The following DSCC1 variants were observed in gnomAD, a reference collection of about 807,000 sequenced individuals.
DSCC1 encodes DNA replication and sister chromatid cohesion 1.
Under a neutral mutation model 48.2 loss-of-function variants are expected in DSCC1, and 32 were observed. The observed-to-expected ratio is 0.66, with a 90% CI of 0.50 to 0.89. The LOEUF (loss-of-function observed/expected upper bound fraction) is 0.89. DSCC1 is among the 40% of genes least tolerant of loss of function. DSCC1 has a pLI of 0.00. For missense variants in DSCC1, 421 were observed against 471.7 expected (o/e 0.89, Z 1.00); for synonymous variants, 150 against 171.5 (o/e 0.87, Z 0.98).
chr8:119,844,040 G>T (rs1826814366), intron 4 of DSCC1, among the ~76,000 whole-genome samples: 1 of 151,854 alleles, frequency 6.6e-6, no homozygotes, highest in Admixed American at 6.6e-5. Context: ...GCCTCCCAAA[G>T]TGCTGGGATT....
chr8:119,854,649 TTTTTG>T lies in DSCC1; in HGVS notation c.182+960_182+964del, dbSNP rs531764925. ...TCCAGGGCCTGTTTTTATTTTTTTGTTTTTGTTTTGTTTTGTTTTTGCCAGCTAGA... is the reference window on the plus strand; with the variant it reads ...TCCAGGGCCTGTTTTTATTTTTTTGTTTTTGTTTTGTTTTTGCCAGCTAGA... On this transcript the variant is annotated intron_variant, in intron 1 of 8. Coordinates refer to ENST00000313655, the MANE Select transcript of DSCC1 (RefSeq NM_024094.3). Among the ~76,000 whole-genome samples the T allele has an allele frequency of 2.7e-3, 368 of 138,772 alleles. 2 individuals are homozygous for T. The highest frequency in any genetic ancestry group is 9.5e-3 in the African/African-American group (324 of 34,106). The allele number at this position is 138,772 out of a possible 152,430, so 91.0% of individuals were successfully genotyped here. A position where few individuals can be genotyped will look rare whatever the true frequency, so the allele number is the denominator to read the frequency against.
intron 1 of DSCC1, among the ~76,000 whole-genome samples, chr8:119,854,466 A>G (rs943968605): frequency 6.6e-6 from 1 of 152,218 alleles, no homozygotes; most frequent in African/African-American, 2.4e-5. Context: ...CATTTAAGTA[A>G]AAAGAATAAA....
chr8:119,845,817 C>T (rs1170472609), intron 4 of DSCC1, among the ~76,000 whole-genome samples: 11 of 152,094 alleles, frequency 7.2e-5, no homozygotes, highest in Middle Eastern at 3.4e-3. Flanking sequence ...GACGTGGTGG[C>T]GCATGACTGT....
chr8:119,842,272 C>T, intron 6 of DSCC1, among the ~76,000 whole-genome samples: 1 of 152,002 alleles, frequency 6.6e-6, no homozygotes, highest in Non-Finnish European at 1.5e-5. Context: ...TGGGGTTTCA[C>T]CATGTTGGCC....
intron 3 of DSCC1, among the ~76,000 whole-genome samples, chr8:119,848,629 A>C (rs774704763): frequency 2.6e-5 from 4 of 152,222 alleles, no homozygotes; most frequent in Admixed American, 6.5e-5. Context: ...TACCCAAGAA[A>C]AATGAAAACA....
At position 119,855,869 on chromosome 8, in the gene DSCC1, G is replaced by C; in HGVS notation, c.-74C>G. 1 of 1,395,372 alleles carries C rather than the reference G, an allele frequency of 7.2e-7. No individual in the cohort carries two copies. The highest frequency in any genetic ancestry group is 3.0e-5 in the East Asian group (1 of 33,690). The allele number at this position is 1,395,372 out of a possible 1,614,324, so 86.4% of individuals were successfully genotyped here. On this transcript the variant is annotated 5_prime_UTR_variant, in exon 1 of 9. Transcript: ENST00000313655. ...TGGCGGGCAAGAAAGAAGTTCCCAAGCAGCCGGAAGGTAGGAAACCTGAGC... is the reference window on the plus strand; with the variant it reads ...TGGCGGGCAAGAAAGAAGTTCCCAACCAGCCGGAAGGTAGGAAACCTGAGC...
intron 1 of DSCC1, among the ~76,000 whole-genome samples, chr8:119,855,062 T>A (rs556808965): frequency 6.6e-6 from 1 of 151,950 alleles, no homozygotes; most frequent in Admixed American, 6.5e-5. Context: ...AAAAACTACC[T>A]CAACTTCGAC....
intron 2 of DSCC1, among the ~76,000 whole-genome samples, 197 bp from the exon 3 acceptor site, chr8:119,850,713 T>G (rs910588030): frequency 1.8e-4 from 27 of 152,166 alleles, no homozygotes; most frequent in African/African-American, 5.8e-4. Flanking sequence ...TCAAATCCCC[T>G]TAATAAGATA....
chr8:119,835,245 G>A lies in DSCC1; in HGVS notation c.1074-244C>T, dbSNP rs144575769. ...GGAGTAGGCCAGGCGGGTGGCTCAC[G>A]CCTGTAATCCCAGCACTTTGGGAGG... is the stretch of plus-strand genomic sequence containing the variant. On this transcript the variant is annotated intron_variant, in intron 8 of 8. Transcript: ENST00000313655. Among the ~76,000 whole-genome samples the A allele has an allele frequency of 6.3e-3, 957 of 152,188 alleles. 9 individuals are homozygous for A. Among genetic ancestry groups the A allele is most frequent in the Middle Eastern group, 0.02 (6 of 294 alleles).
chr8:119,837,975 T>C (rs990272394), intron 8 of DSCC1, among the ~76,000 whole-genome samples: 9 of 152,118 alleles, frequency 5.9e-5, no homozygotes, highest in African/African-American at 2.2e-4. Context: ...CTTAGAGTCA[T>C]AGTAGGGCCT....
rs942346370 is a variant in DSCC1, at chr8:119,855,606, G to C, written c.182+8C>G. The C allele has an allele frequency of 1.3e-6, 2 of 1,541,742 alleles. No homozygotes were observed. The highest frequency in any genetic ancestry group is 2.5e-5 in the East Asian group (1 of 40,430). ...AGAGGCTGGGGGCGCCGCGTGACCA[G>C]GGCTCACCTGTGTCCATCCTCCAGC... On this transcript the variant is annotated splice_region_variant and intron_variant, in intron 1 of 8. Transcript: ENST00000313655.
At chr8:119,847,230 C>A in intron 3 of DSCC1, 150 bp from the exon 4 acceptor site, 1 of 644,654 alleles carries the variant, frequency 1.6e-6, no homozygotes, top group Non-Finnish European at 2.6e-6. Flanking sequence ...ATGATTTCTA[C>A]ACAAAATCAA....
chr8:119,843,758 C>A lies in DSCC1; in HGVS notation c.578-11G>T. On this transcript the variant is annotated splice_polypyrimidine_tract_variant and intron_variant, in intron 4 of 8. Coordinates refer to ENST00000313655, the MANE Select transcript of DSCC1 (RefSeq NM_024094.3). ...GAATCCTCCAATAACCTACAAATTT[C>A]AAAAGTTATATTTACCAAAGAACTT... 1 of 1,594,612 alleles carries A rather than the reference C, an allele frequency of 6.3e-7. No homozygotes were observed.
intron 8 of DSCC1, among the ~76,000 whole-genome samples, chr8:119,835,307 T>G (rs1305676570): frequency 6.6e-6 from 1 of 151,998 alleles, no homozygotes; most frequent in Non-Finnish European, 1.5e-5. Context: ...GAGTTGAAGA[T>G]CAGCCTGGCC....
chr8:119,844,238 G>C (rs1436265645), intron 4 of DSCC1, among the ~76,000 whole-genome samples: 1 of 151,948 alleles, frequency 6.6e-6, no homozygotes, highest in Non-Finnish European at 1.5e-5. Flanking sequence ...AGGAGTTCGA[G>C]ACCAGCCTGG....
intron 5 of DSCC1, 37 bp from the exon 6 acceptor site, chr8:119,842,865 GCAT>G: frequency 6.5e-7 from 1 of 1,534,190 alleles, no homozygotes; most frequent in Non-Finnish European, 8.9e-7. Context: ...AAAGTTATAA[GCAT>G]TTTTATGCAC....
In DSCC1 at chr8:119,855,812, G is replaced by C. The variant is rs1461285527; in HGVS notation, c.-17C>G. ...CCTCTTCATCGCAGCGCCGGGTCTA[G>C]GAGTCCCGCCGCGCCCGGGTGGCTG... On this transcript the variant is annotated 5_prime_UTR_variant, in exon 1 of 9. Coordinates refer to ENST00000313655, the MANE Select transcript of DSCC1 (RefSeq NM_024094.3). 2.1e-6 allele frequency: 3 copies of C among 1,454,228 alleles called. No homozygotes were observed. In the African/African-American group the frequency reaches 4.5e-5, roughly 22 times the overall value. 90.1% of individuals were successfully genotyped at this position (1,454,228 alleles called of 1,614,324 possible).
In DSCC1 at chr8:119,841,810, C is replaced by T; in HGVS notation, c.908G>A (p.Ser303Asn). ...QQSVPEGMVTSLDQLKGLALV... is the reference protein window; with the variant it reads ...QQSVPEGMVTNLDQLKGLALV... ...TGCTATTACCTTAAGCTGATCAAGACTAGTTACCATTCCTTCAGGAACACT... is the reference window on the plus strand; with the variant it reads ...TGCTATTACCTTAAGCTGATCAAGATTAGTTACCATTCCTTCAGGAACACT... The change falls in exon 7 of 9, where the codon AGT becomes AAT. Residue 303 changes from serine to asparagine, a missense_variant. Ser to Asn is a conservative substitution (Grantham distance 46). Transcript: ENST00000313655. The T allele has an allele frequency of 6.2e-7, 1 of 1,613,948 alleles. No homozygotes were observed. The highest frequency in any genetic ancestry group is 8.5e-7 in the Non-Finnish European group (1 of 1,179,990).
intron 6 of DSCC1, among the ~76,000 whole-genome samples, chr8:119,842,533 C>T (rs1826788534): frequency 6.6e-6 from 1 of 152,016 alleles, no homozygotes; most frequent in South Asian, 2.1e-4. Flanking sequence ...CAGGCATGCA[C>T]TGCCACACCC....
Sources: allele counts gnomAD v4.1 joint callset (sites outside exome capture counted in the v4.1 genomes callset), GRCh38; gene constraint gnomAD v4.1.1; transcripts MANE v1.5; gene names NCBI Gene and HGNC (gene_info 2026-07-23, HGNC 2026-07-21).